Variants in GLI2 observed in about 807,000 individuals in gnomAD.
GLI2 encodes the protein GLI family zinc finger 2.
GLI2 carries 22 observed loss-of-function variants against 78.9 expected under a neutral mutation model. The ratio of observed to expected loss-of-function variants is 0.28; its 90% CI spans 0.20 to 0.40. The LOEUF is 0.40. Among genes scored for constraint, GLI2 ranks in the 10% least tolerant of loss-of-function variants. GLI2 has a pLI of 1.00. For synonymous variants in GLI2, 974 were observed against 963.7 expected (o/e 1.01, Z -0.20); for missense variants, 2,097 against 2,213.2 (o/e 0.95, Z 1.05).
In GLI2 at chr2:120,948,429, A is replaced by AG. The variant is rs377167533; in HGVS notation, c.255-2809dup. 2.8e-3 allele frequency among the ~76,000 whole-genome samples: 428 copies of AG among 152,212 alleles called. 2 individuals carry two copies. Among genetic ancestry groups the AG allele is most frequent in the African/African-American group, 0.01 (419 of 41,550 alleles). On this transcript the variant is annotated intron_variant, in intron 3 of 13. Coordinates refer to ENST00000361492, the MANE Select transcript of GLI2 (RefSeq NM_001374353.1). ...TCCCTTGGTGATGCTTGCGGTGGGA[A>AG]GGGGGAGGTGGAGTCTACCTTCCCC...
intron 2 of GLI2, among the ~76,000 whole-genome samples, chr2:120,877,213 C>T (rs1266511363): frequency 1.3e-5 from 2 of 152,180 alleles, no homozygotes; most frequent in African/African-American, 4.8e-5. Context: ...CCTATCACAC[C>T]ACATCAGTCT....
chr2:120,974,310 C>T (rs1162232970), intron 8 of GLI2, among the ~76,000 whole-genome samples: 2 of 152,092 alleles, frequency 1.3e-5, no homozygotes, highest in Non-Finnish European at 2.9e-5. Flanking sequence ...CAGAGGGTGC[C>T]CCTGGTTAGC....
intron 1 of GLI2, among the ~76,000 whole-genome samples, chr2:120,780,783 G>A (rs978814308): frequency 6.6e-5 from 10 of 152,230 alleles, no homozygotes; most frequent in East Asian, 1.9e-4. Context: ...TCTGATGCAC[G>A]TTTATTGGAG....
chr2:120,760,638 G>A (rs982420131), intron 1 of GLI2, among the ~76,000 whole-genome samples: 3 of 152,138 alleles, frequency 2.0e-5, no homozygotes, highest in African/African-American at 7.2e-5. Context: ...CTGCCTGCCC[G>A]CATGCTTGGT....
intron 2 of GLI2, among the ~76,000 whole-genome samples, chr2:120,810,402 G>A (rs1685181276): frequency 6.6e-6 from 1 of 152,198 alleles, no homozygotes; most frequent in Admixed American, 6.5e-5. Context: ...TGTGGGCTGG[G>A]GCTGTCTGGC....
chr2:120,821,123 G>A (rs529653775), intron 2 of GLI2, among the ~76,000 whole-genome samples: 12 of 152,222 alleles, frequency 7.9e-5, no homozygotes, highest in South Asian at 6.2e-4. Flanking sequence ...CCTGTCTTGC[G>A]TGGGCGGCTG....
intron 2 of GLI2, among the ~76,000 whole-genome samples, chr2:120,861,189 T>C (rs886240701): frequency 3.3e-5 from 5 of 152,220 alleles, no homozygotes; most frequent in Admixed American, 1.3e-4. Context: ...TCTGAGGCCA[T>C]GTAGCCCATG....
chr2:120,778,919 G>C (rs1224188828), intron 1 of GLI2, among the ~76,000 whole-genome samples: 1 of 152,218 alleles, frequency 6.6e-6, no homozygotes, highest in Non-Finnish European at 1.5e-5. Context: ...GGGCCACCAG[G>C]CTTGCCCGGC....
intron 1 of GLI2, among the ~76,000 whole-genome samples, chr2:120,775,289 C>G (rs1683643674): frequency 6.6e-6 from 1 of 152,236 alleles, no homozygotes; most frequent in African/African-American, 2.4e-5. Context: ...CACAAGACAG[C>G]TACAGCTATT....
chr2:120,762,523 C>A (rs1683244199), intron 1 of GLI2, among the ~76,000 whole-genome samples: 1 of 152,192 alleles, frequency 6.6e-6, no homozygotes, highest in Non-Finnish European at 1.5e-5. Context: ...CAGGAAGGGG[C>A]AGGTCCCAGG....
At chr2:120,880,833 G>A (rs958282844) in intron 2 of GLI2, among the ~76,000 whole-genome samples, 11 of 152,118 alleles carry the variant, frequency 7.2e-5, no homozygotes, top group Admixed American at 2.0e-4. Flanking sequence ...GCTTAATCTG[G>A]GGTGTTGAAT....
chr2:120,878,652 C>T (rs1462676563), intron 2 of GLI2, among the ~76,000 whole-genome samples: 1 of 152,120 alleles, frequency 6.6e-6, no homozygotes, highest in African/African-American at 2.4e-5. Context: ...AAAAATCTTT[C>T]GGCCAGGCAC....
chr2:120,889,526 C>T (rs1282961639), intron 2 of GLI2, among the ~76,000 whole-genome samples: 1 of 152,070 alleles, frequency 6.6e-6, no homozygotes, highest in Non-Finnish European at 1.5e-5. Context: ...TTCGAAAGAC[C>T]CTGTTGAGAG....
Position 120,797,427 on chromosome 2 carries a change from T to A in GLI2, c.107T>A (p.Val36Glu). Residue 36 changes from valine to glutamate, a missense_variant, in exon 2 of 14, where the codon GTG (valine) becomes GAG (glutamate). Physicochemically the swap from Val to Glu is moderately radical, Grantham distance 121. Around this residue, in one of 5 missense-constraint regions of GLI2, gnomAD observed 578 missense variants for 612.0 expected, o/e 0.94. Transcript: ENST00000361492. The part of the protein sequence containing the change: ...PDPGKKASPL[V>E]VAAAAAAAVA... The stretch of plus-strand genomic sequence containing the variant: ...CCGGGTAAAAAGGCCTCTCCTTTGG[T>A]GGTGGCTGCAGCGGCAGCAGCAGCG... 6.2e-7 allele frequency: 1 copy of A among 1,613,796 alleles called. No individual in the cohort carries two copies. The highest frequency in any genetic ancestry group is 1.3e-5 in the African/African-American group (1 of 74,966).
At chr2:120,817,196 A>G (rs1203579990) in intron 2 of GLI2, among the ~76,000 whole-genome samples, 1 of 152,194 alleles carries the variant, frequency 6.6e-6, no homozygotes, top group African/African-American at 2.4e-5. Context: ...CTAATCCCAC[A>G]TAGATTTCTG....
At chr2:120,962,388 G>A (rs897696976) in intron 5 of GLI2, among the ~76,000 whole-genome samples, 2 of 152,206 alleles carry the variant, frequency 1.3e-5, no homozygotes, top group African/African-American at 4.8e-5. Flanking sequence ...GCTCCATGAG[G>A]ACAGGGTCAG....
At chr2:120,801,351 CTGGTCTCGAATTCCT>C (rs1343027228) in intron 2 of GLI2, among the ~76,000 whole-genome samples, 1 of 152,142 alleles carries the variant, frequency 6.6e-6, no homozygotes, top group African/African-American at 2.4e-5. Context: ...GTTAGCCAGG[CTGGTCTCGAATTCCT>C]GACCTCAAGT....
chr2:120,797,374 G>T lies in GLI2; in HGVS notation c.54G>T (p.Gly18=). ...TASEKQEAKS[G]ILEAAGFPDP... ...CCGAGAAGCAAGAAGCCAAAAGTGGGATCCTGGAGGCCGCTGGCTTCCCCG... is the reference window on the plus strand; with the variant it reads ...CCGAGAAGCAAGAAGCCAAAAGTGGTATCCTGGAGGCCGCTGGCTTCCCCG... The change falls in exon 2 of 14, where the codon GGG becomes GGT. Residue 18 remains glycine (G), a synonymous_variant. Transcript: ENST00000361492. 1 of 1,614,058 alleles carries T rather than the reference G, an allele frequency of 6.2e-7. No individual in the cohort carries two copies. The highest frequency in any genetic ancestry group is 8.5e-7 in the Non-Finnish European group (1 of 1,179,952).
At chr2:120,880,748 T>C (rs1677072362) in intron 2 of GLI2, among the ~76,000 whole-genome samples, 1 of 152,194 alleles carries the variant, frequency 6.6e-6, no homozygotes, top group South Asian at 2.1e-4. Flanking sequence ...CTGGCTAAAG[T>C]ATGTCTTTCT....
Sources: gnomAD v4.1 joint callset for allele counts (sites outside exome capture counted in the v4.1 genomes callset) on GRCh38, gnomAD v4.1.1 for gene constraint, gnomAD v4.1.1 regional missense constraint, MANE v1.5 for transcripts, NCBI Gene and HGNC (gene_info 2026-07-23, HGNC 2026-07-21) for gene names.